The following DCLK2 variants were observed in gnomAD, a reference collection of about 807,000 sequenced individuals.
The protein encoded by DCLK2 is doublecortin like kinase 2, also known as serine/threonine-protein kinase DCLK2.
A neutral mutation model predicts 78.4 loss-of-function variants in DCLK2; 31 were observed. The ratio of observed to expected loss-of-function variants is 0.40; its 90% CI spans 0.30 to 0.53. The LOEUF (loss-of-function observed/expected upper bound fraction) is 0.53. Among genes scored for constraint, DCLK2 ranks in the 20% least tolerant of loss-of-function variants. DCLK2 has a pLI of 0.61. For missense variants in DCLK2, 872 were observed against 973.7 expected (o/e 0.90, Z 1.39); for synonymous variants, 407 against 374.9 (o/e 1.09, Z -0.99).
intron 2 of DCLK2, among the ~76,000 whole-genome samples, chr4:150,110,549 T>C (rs940218887): frequency 2.0e-5 from 3 of 152,084 alleles, no homozygotes; most frequent in Non-Finnish European, 4.4e-5. Flanking sequence ...AATTGTATGG[T>C]GGTGAAGTCT....
chr4:150,185,444 G>A (rs901001147), intron 2 of DCLK2, among the ~76,000 whole-genome samples: 1 of 150,950 alleles, frequency 6.6e-6, no homozygotes, highest in Admixed American at 6.6e-5. Flanking sequence ...ATCAGACCTC[G>A]CCTGGCATGG....
intron 1 of DCLK2, among the ~76,000 whole-genome samples, chr4:150,094,599 G>T (rs1188266288): frequency 6.6e-6 from 1 of 152,154 alleles, no homozygotes; most frequent in Non-Finnish European, 1.5e-5. Flanking sequence ...GGCCCTTCAG[G>T]AGCCTGACCC....
intron 14 of DCLK2, 66 bp from the exon 15 acceptor site, chr4:150,249,502 A>C: frequency 3.5e-6 from 5 of 1,423,506 alleles, no homozygotes; most frequent in Non-Finnish European, 4.9e-6. Context: ...GGGGACTCTT[A>C]AGGAAAAGAC....
chr4:150,166,969 A>G (rs982126087), intron 2 of DCLK2, among the ~76,000 whole-genome samples: 1 of 152,174 alleles, frequency 6.6e-6, no homozygotes, highest in Admixed American at 6.5e-5. Flanking sequence ...GATCATGTAA[A>G]ATAGCCACTG....
chr4:150,092,216 G>A (rs1286371540), intron 1 of DCLK2, among the ~76,000 whole-genome samples: 1 of 152,030 alleles, frequency 6.6e-6, no homozygotes, highest in African/African-American at 2.4e-5. Context: ...CCATCACTGG[G>A]CATTCAGGTT....
chr4:150,217,513 C>T (rs1017826075), intron 5 of DCLK2, among the ~76,000 whole-genome samples: 7 of 152,194 alleles, frequency 4.6e-5, no homozygotes, highest in African/African-American at 1.2e-4. Flanking sequence ...TCATTTGTAA[C>T]CGTCAGCACC....
chr4:150,249,763 T>C, intron 15 of DCLK2, 79 bp downstream of exon 15: 1 of 1,186,484 alleles, frequency 8.4e-7, no homozygotes, highest in Admixed American at 1.7e-5. Flanking sequence ...GGAGCTGCCC[T>C]CACATGGAAG....
rs1274507739 is a variant in DCLK2 at position 150,221,593 on chromosome 4, C to A, written c.1133-84C>A. ...ACCATAGATTTAGAAATAAATGCAT[C>A]GCAGTTTACTATTTTACAAATATGT... On this transcript the variant is annotated intron_variant, in intron 6 of 15. Coordinates refer to ENST00000296550, the MANE Select transcript of DCLK2 (RefSeq NM_001040260.4). 9 of 789,752 alleles carry A rather than the reference C, an allele frequency of 1.1e-5. No individual in the cohort carries two copies. In the East Asian group the frequency reaches 2.7e-4, roughly 24 times the overall value. 48.9% of individuals were successfully genotyped at this position (789,752 alleles called of 1,614,324 possible).
rs545633598 is a variant in DCLK2 at position 150,156,483 on chromosome 4, A to AAAATAAATAAATAAAT, written c.757-36629_757-36614dup. Among the ~76,000 whole-genome samples the AAAATAAATAAATAAAT allele has an allele frequency of 1.4e-3, 204 of 143,188 alleles. 1 individual carries two copies. In the East Asian group the frequency reaches 0.015, roughly 11 times the overall value. 93.9% of individuals were successfully genotyped at this position (143,188 alleles called of 152,430 possible). On this transcript the variant is annotated intron_variant, in intron 2 of 15. Coordinates refer to ENST00000296550, the MANE Select transcript of DCLK2 (RefSeq NM_001040260.4). ...GCAACATAGTGAGGCCGTCTCTACC[A>AAAATAAATAAATAAAT]AAATAAATAAATAAATAAATAAATA... is the stretch of plus-strand genomic sequence containing the variant.
chr4:150,178,341 T>C (rs982160571), intron 2 of DCLK2, among the ~76,000 whole-genome samples: 5 of 152,232 alleles, frequency 3.3e-5, no homozygotes, highest in Admixed American at 6.5e-5. Context: ...AGGTGCCTTT[T>C]AAACAGGAAA....
Position 150,216,512 on chromosome 4 carries a change from G to A in DCLK2, c.1057-4191G>A, listed in dbSNP as rs537839725. On this transcript the variant is annotated intron_variant, in intron 5 of 15. Coordinates refer to ENST00000296550, the MANE Select transcript of DCLK2 (RefSeq NM_001040260.4). ...AAATTAGTCGGGCGTGGTGGCGGGT[G>A]CTTGTAATCTCAGCTACCCAGGAGG... is the stretch of plus-strand genomic sequence containing the variant. Among the ~76,000 whole-genome samples the A allele has an allele frequency of 5.9e-5, 9 of 152,216 alleles. No individual in the cohort carries two copies. The South Asian group carries it at 1.9e-3, about 32-fold the overall frequency.
chr4:150,187,105 T>C (rs769545034), intron 2 of DCLK2, among the ~76,000 whole-genome samples: 3 of 152,202 alleles, frequency 2.0e-5, no homozygotes, highest in South Asian at 2.1e-4. Flanking sequence ...AGCTCACATA[T>C]ATAGATATAT....
In DCLK2 at chr4:150,230,926, G is replaced by T. The variant is rs76085600; in HGVS notation, c.1300-1411G>T. Among the ~76,000 whole-genome samples, 760 of 152,306 alleles carry T rather than the reference G, an allele frequency of 5.0e-3. 8 individuals carry two copies. Among genetic ancestry groups the T allele is most frequent in the African/African-American group, 0.017 (715 of 41,568 alleles). ...AGCCAGTCAAAGACTTCCTAGCCCT[G>T]TTCATTAAAAGAAGCATAGATTCTC... On this transcript the variant is annotated intron_variant, in intron 8 of 15. Transcript: ENST00000296550.
At chr4:150,159,637 A>T (rs1344000532) in intron 2 of DCLK2, among the ~76,000 whole-genome samples, 2 of 152,256 alleles carry the variant, frequency 1.3e-5, no homozygotes, top group African/African-American at 4.8e-5. Context: ...ATGTGCAGTA[A>T]TATCATAATT....
At chr4:150,138,204 C>T (rs1458670438) in intron 2 of DCLK2, among the ~76,000 whole-genome samples, 1 of 152,206 alleles carries the variant, frequency 6.6e-6, no homozygotes, top group Non-Finnish European at 1.5e-5. Context: ...AGAAAGTAAG[C>T]TCTTGGGCTT....
chr4:150,088,622 C>G (rs952845537), intron 1 of DCLK2, among the ~76,000 whole-genome samples: 1 of 152,084 alleles, frequency 6.6e-6, no homozygotes, highest in African/African-American at 2.4e-5. Flanking sequence ...AGATGATGGT[C>G]ATGCTTTCCT....
intron 1 of DCLK2, 70 bp downstream of exon 1, chr4:150,079,518 C>G (rs1580457410): frequency 7.2e-7 from 1 of 1,393,774 alleles, no homozygotes; most frequent in African/African-American, 1.5e-5. Flanking sequence ...TGAGCCGGCG[C>G]AGCGGGGAGC....
At chr4:150,087,911 C>A (rs538841139) in intron 1 of DCLK2, among the ~76,000 whole-genome samples, 1 of 152,080 alleles carries the variant, frequency 6.6e-6, no homozygotes, top group Non-Finnish European at 1.5e-5. Context: ...GTTTCTATGA[C>A]CTTCCTTGGA....
intron 3 of DCLK2, among the ~76,000 whole-genome samples, chr4:150,197,012 A>G (rs1255312247): frequency 1.3e-5 from 2 of 152,154 alleles, no homozygotes; most frequent in African/African-American, 2.4e-5. Context: ...AGAATTAACC[A>G]GGCGTGGTGG....
Sources: allele counts gnomAD v4.1 joint callset (sites outside exome capture counted in the v4.1 genomes callset), GRCh38; gene constraint gnomAD v4.1.1; transcripts MANE v1.5; gene names NCBI Gene and HGNC (gene_info 2026-07-23, HGNC 2026-07-21).